The following TMCO5A variants were observed in gnomAD, a reference collection of about 807,000 sequenced individuals.
TMCO5A encodes the protein transmembrane and coiled-coil domain-containing protein 5A.
TMCO5A carries 34 observed loss-of-function variants against 42.3 expected under a neutral mutation model. The ratio of observed to expected loss-of-function variants is 0.80; its 90% CI spans 0.61 to 1.07. TMCO5A has a LOEUF of 1.07. Ranked by LOEUF, TMCO5A falls within the 50% of genes least tolerant of loss-of-function variation. The probability of loss-of-function intolerance (pLI) is 0.00; values close to 1 mark genes in which losing one functional copy is unlikely to be tolerated. For synonymous variants in TMCO5A, 131 were observed against 115.6 expected, an observed-to-expected ratio of 1.13 and a Z score of -0.86; for missense variants, 357 against 327.9, an observed-to-expected ratio of 1.09 and a Z score of -0.69.
At chr15:37,991,465 C>T in the TMCO5A span, among the ~76,000 whole-genome samples, 9 of 152,062 alleles carry the variant, frequency 5.9e-5, no homozygotes, top group African/African-American at 1.9e-4. Flanking sequence ...ATTTTTTGAG[C>T]TTGATAAATG....
chr15:37,974,650 A>C, the TMCO5A span, among the ~76,000 whole-genome samples: 1 of 150,762 alleles, frequency 6.6e-6, no homozygotes, highest in African/African-American at 2.4e-5. Flanking sequence ...TTTTTTCTTT[A>C]TTTGTCTAGC....
At chr15:38,019,805 G>C in the TMCO5A span, among the ~76,000 whole-genome samples, 2 of 150,950 alleles carry the variant, frequency 1.3e-5, no homozygotes, top group Non-Finnish European at 3.0e-5. Flanking sequence ...ATAGAGACGG[G>C]GTCTTGCCTT....
chr15:37,981,313 G>A, the TMCO5A span, among the ~76,000 whole-genome samples: 3,459 of 151,812 alleles, frequency 0.023, 151 homozygotes, highest in African/African-American at 0.08. Flanking sequence ...TATTTTAAAT[G>A]GTTTTATTTT....
chr15:37,983,166 T>C, the TMCO5A span, among the ~76,000 whole-genome samples: 2 of 152,202 alleles, frequency 1.3e-5, no homozygotes, highest in African/African-American at 4.8e-5. Flanking sequence ...GTGCTTGCCA[T>C]GACACTCACC....
chr15:37,965,748 G>A (rs746592324), intron 11 of TMCO5A, among the ~76,000 whole-genome samples: 5 of 151,994 alleles, frequency 3.3e-5, no homozygotes, highest in African/African-American at 1.2e-4. Flanking sequence ...ATCCAAAAAG[G>A]CAATAACAAA....
the TMCO5A span, among the ~76,000 whole-genome samples, chr15:38,008,110 T>A: frequency 1.3e-5 from 2 of 151,814 alleles, no homozygotes; most frequent in Non-Finnish European, 2.9e-5. Flanking sequence ...TTAGCCGGGA[T>A]GGTCTCGATC....
At position 37,950,108 on chromosome 15, in the gene TMCO5A, AGGAAGCT is replaced by A. The variant is rs1242328622; in HGVS notation, c.669-926_669-920del. On this transcript the variant is annotated intron_variant, in intron 11 of 11. Coordinates refer to ENST00000319669, the MANE Select transcript of TMCO5A (RefSeq NM_152453.4). ...CTGCAATACCTTTATGGTGTAATCT[AGGAAGCT>A]GCACTACATACTGTGACTTTCACCA... Among the ~76,000 whole-genome samples, 4 of 152,312 alleles carry A rather than the reference AGGAAGCT, an allele frequency of 2.6e-5. No individual in the cohort carries two copies. The East Asian group carries it at 7.7e-4, about 29-fold the overall frequency.
the TMCO5A span, among the ~76,000 whole-genome samples, chr15:38,028,195 C>G: frequency 6.6e-6 from 1 of 152,104 alleles, no homozygotes; most frequent in Non-Finnish European, 1.5e-5. Flanking sequence ...TCACTTAGCC[C>G]CCTGTTTTCA....
chr15:37,963,090 T>G (rs762454382), intron 11 of TMCO5A, among the ~76,000 whole-genome samples: 12 of 152,130 alleles, frequency 7.9e-5, no homozygotes, highest in Non-Finnish European at 1.3e-4. Flanking sequence ...TTTCTTCTGC[T>G]GGGTTTGGTG....
exon 12 of TMCO5A, chr15:37,967,363 G>T (rs1244456036): frequency 6.6e-6 from 1 of 152,136 alleles, no homozygotes; most frequent in African/African-American, 2.4e-5. Context: ...TATCAAGCAG[G>T]TCATATTTTC....
chr15:37,973,107 G>A, the TMCO5A span, among the ~76,000 whole-genome samples: 2 of 151,488 alleles, frequency 1.3e-5, no homozygotes, highest in Non-Finnish European at 2.9e-5. Context: ...TTTATTTCTG[G>A]GGTGTCTACT....
chr15:37,993,861 C>T, the TMCO5A span, among the ~76,000 whole-genome samples: 52 of 152,202 alleles, frequency 3.4e-4, no homozygotes, highest in African/African-American at 1.2e-3. Flanking sequence ...AGATGGGTAG[C>T]TGCTACTCTG....
the TMCO5A span, among the ~76,000 whole-genome samples, chr15:38,023,144 T>TGA: frequency 6.6e-6 from 1 of 152,268 alleles, no homozygotes; most frequent in East Asian, 1.9e-4. Context: ...ATCTCAAGCT[T>TGA]TACAACAGTA....
At chr15:37,978,806 T>C in the TMCO5A span, among the ~76,000 whole-genome samples, 6 of 144,770 alleles carry the variant, frequency 4.1e-5, no homozygotes, top group East Asian at 9.7e-4. Flanking sequence ...AGAGGTTTAA[T>C]TGGGTCACGG....
chr15:37,970,387 C>T (rs1890650775), downstream of TMCO5A, among the ~76,000 whole-genome samples: 1 of 152,164 alleles, frequency 6.6e-6, no homozygotes, highest in South Asian at 2.1e-4. Context: ...AAAGACCTGC[C>T]CCCATGATTC....
At chr15:37,958,456 G>T (rs1890345390) in intron 11 of TMCO5A, among the ~76,000 whole-genome samples, 1 of 152,116 alleles carries the variant, frequency 6.6e-6, no homozygotes, top group Non-Finnish European at 1.5e-5. Context: ...CTTTCCAAAA[G>T]AAGACATTTA....
chr15:37,962,544 T>G (rs1250015579), intron 11 of TMCO5A, among the ~76,000 whole-genome samples: 1 of 152,140 alleles, frequency 6.6e-6, no homozygotes, highest in Non-Finnish European at 1.5e-5. Context: ...AGGGTGATGC[T>G]GGCTTCACAG....
intron 11 of TMCO5A, among the ~76,000 whole-genome samples, chr15:37,959,586 C>T (rs916444608): frequency 6.6e-6 from 1 of 151,730 alleles, no homozygotes; most frequent in Non-Finnish European, 1.5e-5. Context: ...AGGAAAAAAC[C>T]CTATGTTCAT....
intron 11 of TMCO5A, among the ~76,000 whole-genome samples, chr15:37,965,208 A>G (rs965156819): frequency 1.3e-5 from 2 of 152,230 alleles, no homozygotes; most frequent in South Asian, 4.1e-4. Context: ...CTGGATATCC[A>G]TATGCAGAAA....
Sources: allele counts gnomAD v4.1 joint callset (sites outside exome capture counted in the v4.1 genomes callset), GRCh38; gene constraint gnomAD v4.1.1; transcripts MANE v1.5; gene names NCBI Gene and HGNC (gene_info 2026-07-23, HGNC 2026-07-21).